PLEKHG1: variants seen among roughly 807,000 people sequenced by gnomAD.
PLEKHG1 encodes pleckstrin homology domain-containing family G member 1.
In PLEKHG1, 44 loss-of-function variants were observed where a neutral mutation model predicts 100.8. That is an observed-to-expected ratio of 0.44 (90% confidence interval 0.34 to 0.56). The LOEUF (loss-of-function observed/expected upper bound fraction) is 0.56. Ranked by LOEUF, PLEKHG1 falls within the 20% of genes least tolerant of loss-of-function variation. The pLI, the probability that PLEKHG1 is intolerant of heterozygous loss-of-function variation, is 0.01. For synonymous variants in PLEKHG1, 640 were observed against 662.5 expected (o/e 0.97, Z 0.52); for missense variants, 1,545 against 1,720.9 (o/e 0.90, Z 1.81).
chr6:150,722,352 T>A (rs1245641984), intron 1 of PLEKHG1, among the ~76,000 whole-genome samples: 95 of 19,450 alleles, frequency 4.9e-3, no homozygotes, highest in African/African-American at 8.1e-3. Context: ...TTCTTTTCTT[T>A]TTTTTTTTTT....
intron 1 of PLEKHG1, among the ~76,000 whole-genome samples, chr6:150,630,030 T>G (rs1582842916): frequency 1.3e-5 from 2 of 152,214 alleles, no homozygotes; most frequent in Non-Finnish European, 2.9e-5. Context: ...ATGGAGGCCA[T>G]AGACTATTTC....
In PLEKHG1 at chr6:150,606,338, T is replaced by C. The variant is rs375554817; in HGVS notation, c.-204+6321T>C. Among the ~76,000 whole-genome samples, 75 of 152,258 alleles carry C rather than the reference T, an allele frequency of 4.9e-4. 2 individuals are homozygous for C. The South Asian group carries it at 0.012, about 24-fold the overall frequency. The stretch of plus-strand genomic sequence containing the variant: ...GGCATTAGCTCCAGCCTTCCTTCTG[T>C]TTTATAGATTTAATTTAACATAAAT... On this transcript the variant is annotated intron_variant, in intron 1 of 3. Transcript: ENST00000367326.
At chr6:150,754,933 G>A (rs1291610012) in intron 2 of PLEKHG1, among the ~76,000 whole-genome samples, 4 of 152,094 alleles carry the variant, frequency 2.6e-5, no homozygotes, top group Non-Finnish European at 5.9e-5. Context: ...GCCTCCCAAA[G>A]TGCTGAGATT....
At chr6:150,738,691 C>T (rs1412408565) in intron 2 of PLEKHG1, among the ~76,000 whole-genome samples, 1 of 152,186 alleles carries the variant, frequency 6.6e-6, no homozygotes, top group East Asian at 1.9e-4. Flanking sequence ...AGATCCTTCT[C>T]TCTCAACCCC....
chr6:150,631,880 C>T (rs558345852), intron 1 of PLEKHG1, among the ~76,000 whole-genome samples: 18 of 152,286 alleles, frequency 1.2e-4, no homozygotes, highest in Admixed American at 3.3e-4. Context: ...GGGAACTGGG[C>T]ATCAGGCTTT....
At chr6:150,677,731 G>A (rs1196191970) in intron 3 of PLEKHG1, among the ~76,000 whole-genome samples, 1 of 151,876 alleles carries the variant, frequency 6.6e-6, no homozygotes, top group African/African-American at 2.4e-5. Context: ...GTTTAAATTA[G>A]CTGGACACGG....
chr6:150,707,354 T>G (rs1428448277), intron 3 of PLEKHG1, among the ~76,000 whole-genome samples: 1 of 152,182 alleles, frequency 6.6e-6, no homozygotes, highest in Admixed American at 6.5e-5. Flanking sequence ...ATTGTTCTTA[T>G]CAGATCATAT....
At chr6:150,606,151 C>T (rs1365593686) in intron 1 of PLEKHG1, among the ~76,000 whole-genome samples, 1 of 152,062 alleles carries the variant, frequency 6.6e-6, no homozygotes, top group Non-Finnish European at 1.5e-5. Flanking sequence ...CTTTGATTGC[C>T]GAAGTGTGTC....
At chr6:150,819,549 G>T in intron 11 of PLEKHG1, 130 bp from the exon 13 acceptor site, 1 of 471,342 alleles carries the variant, frequency 2.1e-6, no homozygotes, top group South Asian at 3.8e-5. Flanking sequence ...GTGGGTGACA[G>T]AGCAAGACTC....
At chr6:150,649,300 T>G (rs1007696623) in intron 2 of PLEKHG1, among the ~76,000 whole-genome samples, 17 of 152,192 alleles carry the variant, frequency 1.1e-4, no homozygotes, top group African/African-American at 4.1e-4. Flanking sequence ...TTTATTAAGT[T>G]TTTTTGTTTT....
At chr6:150,818,547 C>G (rs1050764179) in intron 11 of PLEKHG1, among the ~76,000 whole-genome samples, 3 of 152,208 alleles carry the variant, frequency 2.0e-5, no homozygotes, top group African/African-American at 7.2e-5. Context: ...CTTAACAATG[C>G]ATTTCTCACT....
intron 1 of PLEKHG1, among the ~76,000 whole-genome samples, chr6:150,615,581 T>C (rs1235735195): frequency 6.6e-6 from 1 of 152,204 alleles, no homozygotes; most frequent in Non-Finnish European, 1.5e-5. Context: ...TAAATTCTCA[T>C]AACAGAAAAT....
At chr6:150,673,968 G>T (rs1554258770) in intron 3 of PLEKHG1, among the ~76,000 whole-genome samples, 1 of 152,084 alleles carries the variant, frequency 6.6e-6, no homozygotes, top group Non-Finnish European at 1.5e-5. Context: ...CTCACCCTAT[G>T]AACTGTTTTT....
intron 3 of PLEKHG1, among the ~76,000 whole-genome samples, chr6:150,658,901 T>C (rs1025800389): frequency 1.6e-4 from 25 of 152,252 alleles, no homozygotes; most frequent in African/African-American, 5.5e-4. Context: ...ACATGCTATA[T>C]ATTATTTCTT....
chr6:150,668,632 A>G (rs1479648862), intron 3 of PLEKHG1, among the ~76,000 whole-genome samples: 1 of 152,194 alleles, frequency 6.6e-6, no homozygotes, highest in Non-Finnish European at 1.5e-5. Context: ...AGCTGGGCGC[A>G]GTGTTCCTAA....
In PLEKHG1 at chr6:150,745,152, T is replaced by A. The variant is rs948211717; in HGVS notation, c.411+11060T>A. Among the ~76,000 whole-genome samples, 14 of 152,208 alleles carry A rather than the reference T, an allele frequency of 9.2e-5. No homozygotes were observed. The South Asian group carries it at 2.1e-3, about 23-fold the overall frequency. Reference sequence around the variant, plus strand: ...TAGATTGTACAGCCTACCACACACCTAGGCTATATGGTATAACCCTTTGCT... The same window carrying A: ...TAGATTGTACAGCCTACCACACACCAAGGCTATATGGTATAACCCTTTGCT... On this transcript the variant is annotated intron_variant, in intron 2 of 15. Coordinates refer to ENST00000358517, the Ensembl canonical transcript of PLEKHG1.
chr6:150,762,173 T>C (rs1220692161), intron 2 of PLEKHG1, among the ~76,000 whole-genome samples: 1 of 151,952 alleles, frequency 6.6e-6, no homozygotes, highest in African/African-American at 2.4e-5. Context: ...TCTTCCCCCT[T>C]TGTCTTCCCC....
intron 2 of PLEKHG1, among the ~76,000 whole-genome samples, chr6:150,739,034 G>A (rs1054911011): frequency 3.3e-5 from 5 of 152,150 alleles, no homozygotes; most frequent in African/African-American, 1.2e-4. Context: ...TAGGGTGGGT[G>A]TCTTTAATCT....
intron 7 of PLEKHG1, among the ~76,000 whole-genome samples, chr6:150,805,859 T>A (rs1194510336): frequency 6.6e-6 from 1 of 152,162 alleles, no homozygotes; most frequent in African/African-American, 2.4e-5. Context: ...ACAGAGAAGT[T>A]TGCTAAAGGC....
Sources: gnomAD v4.1 joint callset for allele counts (sites outside exome capture counted in the v4.1 genomes callset) on GRCh38, gnomAD v4.1.1 for gene constraint, MANE v1.5 for transcripts, NCBI Gene and HGNC (gene_info 2026-07-23, HGNC 2026-07-21) for gene names.